ACTR3C: variants seen among roughly 807,000 people sequenced by gnomAD.
ACTR3C encodes the protein actin-related protein 3C.
ACTR3C carries 18 observed loss-of-function variants against 26.3 expected under a neutral mutation model. The observed-to-expected ratio is 0.68, with a 90% CI of 0.47 to 1.01. ACTR3C has a LOEUF of 1.01. ACTR3C is among the 50% of genes least tolerant of loss of function. The pLI is 0.00. For synonymous variants in ACTR3C, 55 were observed against 94.5 expected (o/e 0.58, Z 2.42); for missense variants, 184 against 250.7 (o/e 0.73, Z 1.80).
chr7:149,952,154 T>TA, the ACTR3C span, among the ~76,000 whole-genome samples: 10 of 151,334 alleles, frequency 6.6e-5, no homozygotes, highest in East Asian at 5.8e-4. Context: ...CATTTAACCC[T>TA]AAAAAAAACG....
At chr7:150,015,555 G>A in the ACTR3C span, among the ~76,000 whole-genome samples, 4 of 152,062 alleles carry the variant, frequency 2.6e-5, no homozygotes, top group African/African-American at 9.7e-5. Context: ...TTTACAATTA[G>A]CACTTGGCAT....
At chr7:150,319,416 A>T (rs1404958916) in intron 1 of ACTR3C, among the ~76,000 whole-genome samples, 6 of 152,158 alleles carry the variant, frequency 3.9e-5, no homozygotes, top group Admixed American at 3.9e-4. Context: ...CATGTTTCTC[A>T]GGCTGGTCTT....
At chr7:150,235,739 G>T in the ACTR3C span, among the ~76,000 whole-genome samples, 1 of 152,000 alleles carries the variant, frequency 6.6e-6, no homozygotes, top group Admixed American at 6.6e-5. Context: ...GTAAAAACAC[G>T]CAAGTCAATA....
At chr7:149,911,053 C>A in the ACTR3C span, among the ~76,000 whole-genome samples, 6 of 152,124 alleles carry the variant, frequency 3.9e-5, no homozygotes, top group South Asian at 1.2e-3. Flanking sequence ...CCAAGTGGAC[C>A]TACCACAACT....
At chr7:150,035,485 A>G in the ACTR3C span, among the ~76,000 whole-genome samples, 1 of 116,642 alleles carries the variant, frequency 8.6e-6, no homozygotes, top group Non-Finnish European at 1.9e-5. Flanking sequence ...AGTAACAGCC[A>G]GGGGCGGAAG....
At chr7:150,107,606 G>C in the ACTR3C span, among the ~76,000 whole-genome samples, 1 of 152,006 alleles carries the variant, frequency 6.6e-6, no homozygotes, top group Non-Finnish European at 1.5e-5. Flanking sequence ...TTCTACTTAT[G>C]ATATTTCATA....
the ACTR3C span, among the ~76,000 whole-genome samples, chr7:150,042,756 T>C: frequency 6.6e-6 from 1 of 151,630 alleles, no homozygotes; most frequent in Admixed American, 6.5e-5. Flanking sequence ...GGGGCCATCC[T>C]TTAGAAACCT....
the ACTR3C span, among the ~76,000 whole-genome samples, chr7:149,929,244 T>G: frequency 2.0e-5 from 3 of 151,764 alleles, no homozygotes; most frequent in Non-Finnish European, 4.4e-5. Flanking sequence ...TTGGGCAACA[T>G]GATGAAATCC....
At chr7:150,318,293 A>G (rs1183620105) in intron 1 of ACTR3C, among the ~76,000 whole-genome samples, 1 of 152,194 alleles carries the variant, frequency 6.6e-6, no homozygotes, top group Admixed American at 6.5e-5. Flanking sequence ...ACCACAAGCT[A>G]AGACAAAGAC....
chr7:150,174,654 GACAA>G, the ACTR3C span, among the ~76,000 whole-genome samples: 2 of 137,890 alleles, frequency 1.5e-5, no homozygotes, highest in Admixed American at 6.8e-5. Context: ...TTTGTTGAAA[GACAA>G]ACACTGACAA....
At chr7:150,198,007 G>T in the ACTR3C span, among the ~76,000 whole-genome samples, 1 of 151,242 alleles carries the variant, frequency 6.6e-6, no homozygotes, top group East Asian at 1.9e-4. Flanking sequence ...GGCATGCGCC[G>T]CCACGCCTGA....
the ACTR3C span, among the ~76,000 whole-genome samples, chr7:150,164,758 C>G: frequency 2.6e-5 from 4 of 152,202 alleles, no homozygotes; most frequent in East Asian, 7.7e-4. Flanking sequence ...TTTATCATCT[C>G]TCAAATTTCT....
the ACTR3C span, among the ~76,000 whole-genome samples, chr7:150,121,294 CTGTT>C: frequency 6.6e-6 from 1 of 152,188 alleles, no homozygotes; most frequent in Non-Finnish European, 1.5e-5. Context: ...CAAATTGTCT[CTGTT>C]TGCAGATGAC....
chr7:150,308,398 C>T (rs1254473833), intron 1 of ACTR3C, among the ~76,000 whole-genome samples: 1 of 152,152 alleles, frequency 6.6e-6, no homozygotes, highest in African/African-American at 2.4e-5. Context: ...TTCCAAGTGG[C>T]CAGAAAACGG....
the ACTR3C span, among the ~76,000 whole-genome samples, chr7:150,125,499 T>C: frequency 0.9 from 125,848 of 140,286 alleles, 56,201 homozygotes; most frequent in Admixed American, 0.92. Flanking sequence ...CTGTTTCTAA[T>C]GATCTATCCC....
chr7:150,199,090 C>CCCCG, the ACTR3C span, among the ~76,000 whole-genome samples: 1 of 150,700 alleles, frequency 6.6e-6, no homozygotes, highest in African/African-American at 2.5e-5. Flanking sequence ...CGGCCGCCCC[C>CCCCG]CCGTCTGGGA....
the ACTR3C span, among the ~76,000 whole-genome samples, chr7:150,151,309 C>A: frequency 7.3e-6 from 1 of 137,674 alleles, no homozygotes; most frequent in Non-Finnish European, 1.6e-5. Flanking sequence ...ACATTGGAAA[C>A]CTTAGCTAGC....
intron 6 of ACTR3C, among the ~76,000 whole-genome samples, chr7:150,266,849 T>C (rs1334107859): frequency 6.6e-6 from 1 of 152,248 alleles, no homozygotes; most frequent in Non-Finnish European, 1.5e-5. Flanking sequence ...ATCAGGATCA[T>C]ACAGCTTAAA....
the ACTR3C span, among the ~76,000 whole-genome samples, chr7:149,974,681 C>T: frequency 2.0e-5 from 3 of 152,148 alleles, no homozygotes; most frequent in Admixed American, 6.5e-5. Flanking sequence ...AAGGTAATTA[C>T]TGTCAAACCA....
Sources: gnomAD v4.1 joint callset for allele counts (sites outside exome capture counted in the v4.1 genomes callset) on GRCh38, gnomAD v4.1.1 for gene constraint, MANE v1.5 for transcripts, NCBI Gene and HGNC (gene_info 2026-07-23, HGNC 2026-07-21) for gene names.